FAM168B: variants seen among roughly 807,000 people sequenced by gnomAD.
FAM168B encodes the protein myelin-associated neurite-outgrowth inhibitor.
Under a neutral mutation model 21.8 loss-of-function variants are expected in FAM168B, and 19 were observed. That is an observed-to-expected ratio of 0.87 (90% CI 0.61 to 1.28). The LOEUF (loss-of-function observed/expected upper bound fraction) is 1.28, where lower values mean the gene tolerates loss of function less well. FAM168B is among the 50% of genes most tolerant of loss of function. The pLI, the probability that FAM168B is intolerant of heterozygous loss-of-function variation, is 0.00. For missense variants in FAM168B, 233 were observed against 263.1 expected (o/e 0.89, Z 0.79); for synonymous variants, 126 against 104.8 (o/e 1.20, Z -1.24).
chr2:131,057,616 A>G (rs1692091313), intron 3 of FAM168B, among the ~76,000 whole-genome samples: 1 of 152,168 alleles, frequency 6.6e-6, no homozygotes, highest in South Asian at 2.1e-4. Context: ...TGCATAAATT[A>G]TACCTCAAGT....
At chr2:131,089,230 T>G (rs1002274762) in intron 1 of FAM168B, among the ~76,000 whole-genome samples, 10 of 151,914 alleles carry the variant, frequency 6.6e-5, no homozygotes, top group Admixed American at 1.3e-4. Flanking sequence ...CCTCCCAAAG[T>G]GCTGGGATTA....
At position 131,055,307 on chromosome 2, in the gene FAM168B, C is replaced by G. The variant is rs1201286777; in HGVS notation, c.440G>C (p.Gly147Ala). The G allele has an allele frequency of 1.9e-6, 3 of 1,582,724 alleles. No individual in the cohort carries two copies. In the African/African-American group the frequency reaches 4.1e-5, roughly 22 times the overall value. The change falls in exon 5 of 7, where the codon GGC becomes GCC. Residue 147 changes from glycine (G) to alanine (A), a missense_variant. Gly to Ala is a moderately conservative substitution (Grantham distance 60). Coordinates refer to ENST00000389915, the MANE Select transcript of FAM168B (RefSeq NM_001009993.4). ...GGCCATGGTGGTCCCAGCCACCATGCCCATGGTGACCCCGTTGCCTCTAGG... is the reference window on the plus strand; with the variant it reads ...GGCCATGGTGGTCCCAGCCACCATGGCCATGGTGACCCCGTTGCCTCTAGG... The part of the protein sequence containing the change: ...PPPRGNGVTM[G>A]MVAGTTMAMS...
intron 3 of FAM168B, among the ~76,000 whole-genome samples, chr2:131,058,714 A>C (rs1299914012): frequency 6.6e-6 from 1 of 152,212 alleles, no homozygotes; most frequent in East Asian, 1.9e-4. Context: ...GTTTCAAGAC[A>C]AGAGCAGTTA....
At chr2:131,068,450 C>T (rs949128443) in intron 3 of FAM168B, among the ~76,000 whole-genome samples, 1 of 152,172 alleles carries the variant, frequency 6.6e-6, no homozygotes, top group African/African-American at 2.4e-5. Context: ...TGAAAACCAC[C>T]GTGCCCGGCT....
At chr2:131,068,700 G>A (rs1251050480) in intron 3 of FAM168B, among the ~76,000 whole-genome samples, 1 of 152,270 alleles carries the variant, frequency 6.6e-6, no homozygotes. Flanking sequence ...ACCTCCCTAT[G>A]AGAAAGGAGA....
Position 131,051,607 on chromosome 2 carries a change from G to T in FAM168B, c.*858C>A. The T allele has an allele frequency of 2.0e-6, 2 of 985,132 alleles. No homozygotes were observed. Among genetic ancestry groups the T allele is most frequent in the Non-Finnish European group, 2.4e-6 (2 of 829,884 alleles). 61.0% of individuals were successfully genotyped at this position (985,132 alleles called of 1,614,324 possible). A position where few individuals can be genotyped will look rare whatever the true frequency, so the allele number is the denominator to read the frequency against. ...AGGAAAATAATTTAGTTTTACATAG[G>T]ACTTTTCCAATAAAGACATATAAAA... On this transcript the variant is annotated 3_prime_UTR_variant, in exon 7 of 7. Coordinates refer to ENST00000389915, the MANE Select transcript of FAM168B (RefSeq NM_001009993.4).
At position 131,062,526 on chromosome 2, in the gene FAM168B, C is replaced by T. The variant is rs373222498; in HGVS notation, c.155-6831G>A. Among the ~76,000 whole-genome samples the T allele has an allele frequency of 1.4e-4, 21 of 152,374 alleles. 1 individual carries two copies. In the South Asian group the frequency reaches 4.1e-3, roughly 30 times the overall value. On this transcript the variant is annotated intron_variant, in intron 3 of 6. Transcript: ENST00000389915. ...GCAGCGGTGCTATCTCAGCTCACTGCAACCTCTGCCTCCCGGGTTCAAGCG... is the reference window on the plus strand; with the variant it reads ...GCAGCGGTGCTATCTCAGCTCACTGTAACCTCTGCCTCCCGGGTTCAAGCG...
intron 1 of FAM168B, among the ~76,000 whole-genome samples, chr2:131,091,630 G>A (rs1694035405): frequency 6.6e-6 from 1 of 151,172 alleles, no homozygotes; most frequent in South Asian, 2.1e-4. Context: ...CTGGGCGACA[G>A]AGCGACACTC....
At position 131,050,417 on chromosome 2, in the gene FAM168B, C is replaced by T; in HGVS notation, c.*2048G>A. 4 of 985,808 alleles carry T rather than the reference C, an allele frequency of 4.1e-6. No homozygotes were observed. The highest frequency in any genetic ancestry group is 3.6e-6 in the Non-Finnish European group (3 of 829,938). The allele number at this position is 985,808 out of a possible 1,614,324, so 61.1% of individuals were successfully genotyped here. On this transcript the variant is annotated 3_prime_UTR_variant, in exon 7 of 7. Coordinates refer to ENST00000389915, the MANE Select transcript of FAM168B (RefSeq NM_001009993.4). ...CGTTAGAACCTACTAATCCTGCCAA[C>T]CATCCACTAAACAGATGGAATTACC...
In FAM168B at chr2:131,073,900, G is replaced by T. The variant is rs149584760; in HGVS notation, c.71-1962C>A. ...TAAGCTGACCTTTATTAATACAAAT[G>T]AGGAATCTTATTAAGACTAAACCAT... On this transcript the variant is annotated intron_variant, in intron 2 of 6. Coordinates refer to ENST00000389915, the MANE Select transcript of FAM168B (RefSeq NM_001009993.4). 1.2e-3 allele frequency among the ~76,000 whole-genome samples: 188 copies of T among 152,304 alleles called. 1 individual carries two copies. Among genetic ancestry groups the T allele is most frequent in the African/African-American group, 4.2e-3 (174 of 41,560 alleles).
intron 1 of FAM168B, among the ~76,000 whole-genome samples, chr2:131,092,829 T>C (rs770463455): frequency 5.3e-5 from 8 of 152,120 alleles, no homozygotes; most frequent in Non-Finnish European, 1.2e-4. Flanking sequence ...ATAAAAATTA[T>C]CTTTACTTCG....
chr2:131,084,382 T>C (rs1397893523), intron 1 of FAM168B, among the ~76,000 whole-genome samples: 2 of 151,408 alleles, frequency 1.3e-5, no homozygotes, highest in African/African-American at 2.4e-5. Flanking sequence ...TTTTTTTAAA[T>C]AGAGATGAGG....
At chr2:131,064,583 T>C (rs979034874) in intron 3 of FAM168B, among the ~76,000 whole-genome samples, 7 of 152,172 alleles carry the variant, frequency 4.6e-5, no homozygotes, top group Admixed American at 3.3e-4. Context: ...ATCAACGAAG[T>C]GTGCGTGCAG....
At chr2:131,072,050 G>A (rs1451464573) in intron 2 of FAM168B, 112 bp from the exon 3 acceptor site, 18 of 869,062 alleles carry the variant, frequency 2.1e-5, no homozygotes, top group Non-Finnish European at 3.4e-5. Flanking sequence ...ACAGACTTAA[G>A]CAGCCCCAAG....
Position 131,055,204 on chromosome 2 carries a change from C to T in FAM168B, c.475+68G>A, listed in dbSNP as rs149864548. The T allele has an allele frequency of 2.4e-4, 324 of 1,377,544 alleles. 4 individuals are homozygous for T. The East Asian group carries it at 4.5e-3, about 19-fold the overall frequency. 85.3% of individuals were successfully genotyped at this position (1,377,544 alleles called of 1,614,324 possible). ...ACCTAGAGCCAAGGGTCAGAGGATT[C>T]GTGAGCTCTCCCCTCCCCCAGCTCT... On this transcript the variant is annotated intron_variant, in intron 5 of 6. Coordinates refer to ENST00000389915, the MANE Select transcript of FAM168B (RefSeq NM_001009993.4).
At chr2:131,082,361 G>A (rs759678633) in intron 2 of FAM168B, among the ~76,000 whole-genome samples, 20 of 152,182 alleles carry the variant, frequency 1.3e-4, no homozygotes, top group Non-Finnish European at 2.8e-4. Context: ...CTGAGACCAG[G>A]AGGTAGAGAA....
At chr2:131,059,922 G>A (rs958534793) in intron 3 of FAM168B, among the ~76,000 whole-genome samples, 3 of 152,178 alleles carry the variant, frequency 2.0e-5, no homozygotes, top group African/African-American at 7.2e-5. Context: ...GGGCCCAGAT[G>A]AAAAAGATCA....
At chr2:131,092,443 T>C (rs1179976972) in intron 1 of FAM168B, among the ~76,000 whole-genome samples, 2 of 152,224 alleles carry the variant, frequency 1.3e-5, no homozygotes, top group Non-Finnish European at 1.5e-5. Flanking sequence ...CTTTCATCCA[T>C]AGTATTTGAG....
intron 1 of FAM168B, among the ~76,000 whole-genome samples, chr2:131,086,014 G>A (rs1484074655): frequency 6.6e-6 from 1 of 152,142 alleles, no homozygotes; most frequent in Non-Finnish European, 1.5e-5. Flanking sequence ...TTCAGAGTAG[G>A]GAGGAAACAA....
Sources: gnomAD v4.1 joint callset for allele counts (sites outside exome capture counted in the v4.1 genomes callset) on GRCh38, gnomAD v4.1.1 for gene constraint, MANE v1.5 for transcripts, NCBI Gene and HGNC (gene_info 2026-07-23, HGNC 2026-07-21) for gene names.